The following RAB38 variants were observed in gnomAD, a reference collection of about 807,000 sequenced individuals.
The protein encoded by RAB38 is RAB38, member RAS oncogene family.
RAB38 carries 15 observed loss-of-function variants against 18.4 expected under a neutral mutation model. The observed-to-expected ratio is 0.82, with a 90% confidence interval of 0.55 to 1.26. RAB38 has a LOEUF of 1.26. RAB38 is among the 50% of genes most tolerant of loss of function. The probability of loss-of-function intolerance (pLI) is 0.00; values close to 1 mark genes in which losing one functional copy is unlikely to be tolerated. For synonymous variants in RAB38, 101 were observed against 104.4 expected (o/e 0.97, Z 0.20); for missense variants, 294 against 267.4 (o/e 1.10, Z -0.69).
At chr11:88,143,512 A>T (rs1420626265) in intron 2 of RAB38, among the ~76,000 whole-genome samples, 2 of 152,028 alleles carry the variant, frequency 1.3e-5, no homozygotes, top group Admixed American at 1.3e-4. Context: ...TATTTGGCCC[A>T]CAGATCATAG....
intron 2 of RAB38, among the ~76,000 whole-genome samples, chr11:88,131,135 T>C (rs1942762631): frequency 6.6e-6 from 1 of 152,152 alleles, no homozygotes; most frequent in Non-Finnish European, 1.5e-5. Flanking sequence ...GGGTTAATGA[T>C]AGGGGATATT....
the RAB38 span, among the ~76,000 whole-genome samples, chr11:88,052,679 C>A: frequency 6.6e-6 from 1 of 151,530 alleles, no homozygotes; most frequent in Non-Finnish European, 1.5e-5. Context: ...ACATTAATGA[C>A]TATGCTCCTG....
At chr11:87,951,503 T>G in the RAB38 span, among the ~76,000 whole-genome samples, 1 of 93,858 alleles carries the variant, frequency 1.1e-5, no homozygotes. Flanking sequence ...TTCTGCTCTG[T>G]TTTTTTTTTC....
the RAB38 span, among the ~76,000 whole-genome samples, chr11:87,946,777 AT>A: frequency 0.049 from 7,440 of 152,104 alleles, 621 homozygotes; most frequent in African/African-American, 0.17. Flanking sequence ...CATTTTCTTA[AT>A]CCAGGCTATC....
At chr11:87,864,391 A>G in the RAB38 span, among the ~76,000 whole-genome samples, 1,515 of 151,208 alleles carry the variant, frequency 0.01, 11 homozygotes, top group South Asian at 0.017. Context: ...CCTACTCAAT[A>G]CATGTACATT....
chr11:88,143,196 A>G (rs1321956471), intron 2 of RAB38, among the ~76,000 whole-genome samples: 10 of 152,238 alleles, frequency 6.6e-5, no homozygotes, highest in African/African-American at 1.9e-4. Context: ...TAATTGCTTC[A>G]TCTGTGAACA....
chr11:88,005,683 G>GAT, the RAB38 span, among the ~76,000 whole-genome samples: 3 of 149,754 alleles, frequency 2.0e-5, no homozygotes, highest in African/African-American at 4.9e-5. Flanking sequence ...CTAGAGCAAT[G>GAT]TCTTGGAGCT....
the RAB38 span, among the ~76,000 whole-genome samples, chr11:87,878,971 A>ATTT: frequency 0.18 from 23,440 of 133,490 alleles, 3,120 homozygotes; most frequent in Non-Finnish European, 0.25. Flanking sequence ...GCAATTACTG[A>ATTT]TTTTTTTTTT....
chr11:88,053,138 A>AC, the RAB38 span, among the ~76,000 whole-genome samples: 184 of 57,604 alleles, frequency 3.2e-3, 1 homozygote, highest in Middle Eastern at 0.013. Flanking sequence ...TTATATATAC[A>AC]ATATATATGG....
At chr11:88,150,100 T>C (rs771547330) in intron 1 of RAB38, 145 bp from the exon 2 acceptor site, 33 of 844,038 alleles carry the variant, frequency 3.9e-5, no homozygotes, top group Admixed American at 5.2e-5. Context: ...GAACTAAATA[T>C]GCAATCATGT....
downstream of RAB38, among the ~76,000 whole-genome samples, chr11:88,108,337 C>T (rs1377857443): frequency 1.3e-5 from 2 of 152,160 alleles, no homozygotes; most frequent in Non-Finnish European, 2.9e-5. Context: ...GGATAGTTAG[C>T]TCTTCTTTTG....
At chr11:87,919,580 T>C in the RAB38 span, among the ~76,000 whole-genome samples, 1 of 151,974 alleles carries the variant, frequency 6.6e-6, no homozygotes, top group African/African-American at 2.4e-5. Flanking sequence ...TGTGGTGTCC[T>C]TGTCTGGCTT....
chr11:87,858,436 G>C, the RAB38 span, among the ~76,000 whole-genome samples: 44 of 152,220 alleles, frequency 2.9e-4, no homozygotes, highest in Non-Finnish European at 5.3e-4. Context: ...AGTGGTTCCA[G>C]GAGGGTAGCC....
At chr11:88,126,703 TA>T (rs35278430) in intron 2 of RAB38, among the ~76,000 whole-genome samples, 123,857 of 150,634 alleles carry the variant, frequency 0.82, 51,172 homozygotes, top group Middle Eastern at 0.89. Context: ...AGTATAATAA[TA>T]AAAAAAAAAA....
the RAB38 span, among the ~76,000 whole-genome samples, chr11:87,926,508 GTTTT>G: frequency 1.8e-4 from 24 of 131,314 alleles, no homozygotes; most frequent in African/African-American, 6.7e-4. Context: ...TCAAATGGTG[GTTTT>G]TTTGTTTGTT....
chr11:87,856,955 C>T, the RAB38 span, among the ~76,000 whole-genome samples: 5 of 152,134 alleles, frequency 3.3e-5, no homozygotes, highest in East Asian at 1.9e-4. Context: ...TGTTGGTGTG[C>T]TGCACCCATT....
the RAB38 span, among the ~76,000 whole-genome samples, chr11:87,877,540 A>T: frequency 6.6e-6 from 1 of 151,574 alleles, no homozygotes; most frequent in Non-Finnish European, 1.5e-5. Flanking sequence ...ACATATCCAG[A>T]ATCCAATTTT....
chr11:87,958,936 G>A, the RAB38 span, among the ~76,000 whole-genome samples: 1 of 152,120 alleles, frequency 6.6e-6, no homozygotes, highest in African/African-American at 2.4e-5. Context: ...TAAGACAATA[G>A]AGAATTGTAA....
intron 2 of RAB38, among the ~76,000 whole-genome samples, chr11:88,126,454 A>T (rs11825967): frequency 0.13 from 19,592 of 152,146 alleles, 1,818 homozygotes; most frequent in African/African-American, 0.26. Context: ...ACAAGGACAA[A>T]AAAACCAAAC....
Sources: gnomAD v4.1 joint callset for allele counts (sites outside exome capture counted in the v4.1 genomes callset) on GRCh38, gnomAD v4.1.1 for gene constraint, MANE v1.5 for transcripts, NCBI Gene and HGNC (gene_info 2026-07-23, HGNC 2026-07-21) for gene names.